L3MBTL1: variants seen among roughly 807,000 people sequenced by gnomAD.
L3MBTL1 encodes lethal(3)malignant brain tumor-like protein 1.
L3MBTL1 carries 75 observed loss-of-function variants against 105.3 expected under a neutral mutation model. The observed-to-expected ratio is 0.71, with a 90% CI of 0.59 to 0.86. L3MBTL1 has a LOEUF of 0.86. Among genes scored for constraint, L3MBTL1 ranks in the 40% least tolerant of loss-of-function variants. L3MBTL1 has a pLI of 0.00. For synonymous variants in L3MBTL1, 452 were observed against 436.2 expected (o/e 1.04, Z -0.45); for missense variants, 1,069 against 1,126.4 (o/e 0.95, Z 0.73).
rs569675047 is a variant in L3MBTL1, at chr20:43,513,658, G to T, written c.136+19G>T. On this transcript the variant is annotated intron_variant, in intron 2 of 21. Transcript: ENST00000418998. ...ATTCCAGGTGAGTCAAGCTAGGGTA[G>T]GAGTCTGGGAAGGAAGAGCATCTCT... 1 of 1,550,520 alleles carries T rather than the reference G, an allele frequency of 6.4e-7. No homozygotes were observed. The highest frequency in any genetic ancestry group is 2.4e-5 in the East Asian group (1 of 40,922).
In L3MBTL1 at chr20:43,536,083, C is replaced by T. The variant is rs2019597020; in HGVS notation, c.1926-14C>T. ...CCAGTGGATTAAACCCAACTGAAGT[C>T]TCTTCTTCCCCAGGAAGTGCCCCAC... is the stretch of plus-strand genomic sequence containing the variant. On this transcript the variant is annotated splice_polypyrimidine_tract_variant and intron_variant, in intron 17 of 21. Coordinates refer to ENST00000418998, the MANE Select transcript of L3MBTL1 (RefSeq NM_001377303.1). The T allele has an allele frequency of 1.9e-6, 3 of 1,612,280 alleles. No homozygotes were observed. The highest frequency in any genetic ancestry group is 2.5e-6 in the Non-Finnish European group (3 of 1,179,916).
chr20:43,524,459 C>G (rs1322288693), intron 7 of L3MBTL1, among the ~76,000 whole-genome samples: 1 of 151,924 alleles, frequency 6.6e-6, no homozygotes, highest in Non-Finnish European at 1.5e-5. Context: ...AATCTAGTTG[C>G]AGAAATAGAT....
At chr20:43,513,450 C>A (rs974845157) in intron 1 of L3MBTL1, 26 bp from the exon 2 acceptor site, 2 of 1,540,018 alleles carry the variant, frequency 1.3e-6, no homozygotes, top group South Asian at 2.4e-5. Context: ...CACCTGATCA[C>A]CCTGGGGGCT....
intron 18 of L3MBTL1, chr20:43,548,021 T>A: frequency 3.8e-6 from 3 of 782,836 alleles, no homozygotes; most frequent in African/African-American, 1.9e-5. Context: ...CCTCCCCCAT[T>A]CCCCATGCAC....
chr20:43,533,287 G>A (rs1160481061), intron 12 of L3MBTL1, 55 bp from the exon 13 acceptor site: 16 of 1,510,064 alleles, frequency 1.1e-5, no homozygotes, highest in Non-Finnish European at 1.1e-5. Context: ...TCAGAGGATG[G>A]CAGGCTCAGG....
At chr20:43,544,869 G>A (rs1978485459), downstream of L3MBTL1, among the ~76,000 whole-genome samples, 1 of 152,170 alleles carries the variant, frequency 6.6e-6, no homozygotes, top group Non-Finnish European at 1.5e-5. Flanking sequence ...GGGAGGCTGT[G>A]GCATGAGAAT....
At chr20:43,515,959 G>C in intron 6 of L3MBTL1, 134 bp from the exon 7 acceptor site, 1 of 644,918 alleles carries the variant, frequency 1.6e-6, no homozygotes. Flanking sequence ...CCTGCTGGCG[G>C]CCTAGAAGAA....
At chr20:43,521,798 C>T (rs2018720691) in intron 7 of L3MBTL1, among the ~76,000 whole-genome samples, 1 of 152,218 alleles carries the variant, frequency 6.6e-6, no homozygotes, top group Non-Finnish European at 1.5e-5. Flanking sequence ...AGCGATCCTC[C>T]TGCCTCAGCC....
intron 8 of L3MBTL1, 80 bp from the exon 9 acceptor site, chr20:43,529,184 G>A (rs998548372): frequency 1.4e-5 from 15 of 1,054,458 alleles, no homozygotes; most frequent in Admixed American, 8.1e-5. Context: ...GGGCCTAAAG[G>A]CAGCTCCTTC....
rs183461317 is a variant in L3MBTL1, at chr20:43,540,713, G to C, written c.2332-40G>C. ...AGGCCAGCTCTCCCTACATGCCTAA[G>C]CTCTGTCCCCTGGTCAACATGTCAT... is the stretch of plus-strand genomic sequence containing the variant. On this transcript the variant is annotated intron_variant, in intron 20 of 21. Coordinates refer to ENST00000418998, the MANE Select transcript of L3MBTL1 (RefSeq NM_001377303.1). 2,551 of 1,605,910 alleles carry C rather than the reference G, an allele frequency of 1.6e-3. 66 individuals carry two copies. The Admixed American group carries it at 0.036, about 23-fold the overall frequency.
chr20:43,517,331 G>T (rs1015895178), intron 7 of L3MBTL1, among the ~76,000 whole-genome samples: 6 of 152,124 alleles, frequency 3.9e-5, no homozygotes, highest in Non-Finnish European at 8.8e-5. Flanking sequence ...CTTACCTCAG[G>T]TTATCTGCCC....
intron 1 of L3MBTL1, among the ~76,000 whole-genome samples, chr20:43,512,772 T>G (rs1568916743): frequency 6.6e-6 from 1 of 152,226 alleles, no homozygotes; most frequent in Non-Finnish European, 1.5e-5. Flanking sequence ...GTCTTTTTCT[T>G]TATGTCTTTA....
intron 7 of L3MBTL1, among the ~76,000 whole-genome samples, chr20:43,516,965 T>TAA (rs2018425680): frequency 6.6e-6 from 1 of 151,574 alleles, no homozygotes; most frequent in Non-Finnish European, 1.5e-5. Flanking sequence ...GCTAATTTTT[T>TAA]AAATTTTTGT....
chr20:43,516,167 C>T lies in L3MBTL1; in HGVS notation c.852C>T (p.Ser284=), dbSNP rs1263374829. 6.2e-7 allele frequency: 1 copy of T among 1,613,704 alleles called. No individual in the cohort carries two copies. Among genetic ancestry groups the T allele is most frequent in the Non-Finnish European group, 8.5e-7 (1 of 1,179,656 alleles). Residue 284 remains serine (S), a synonymous_variant, in exon 7 of 22, where the codon AGC becomes AGT. Transcript: ENST00000418998. ...CCCCAGAGAGTGAGGAGTGGAGCAG[C>T]AGCCAGCCTGGTACGGTGGCTTGTG... ...ASTPESEEWS[S]SQPATGEKKE...
Position 43,530,405 on chromosome 20 carries a change from T to A in L3MBTL1, c.1178T>A (p.Leu393Gln), listed in dbSNP as rs772234875. ...TGGTTCGAGAAGACGGGCCACAAGC[T>A]GCAGCCTCCCAAAGGTAAGGCCTAG... Reference protein sequence around the residue: ...AGWFEKTGHKLQPPKGYKEEE... With the variant: ...AGWFEKTGHKQQPPKGYKEEE... Residue 393 changes from leucine to glutamine, a missense_variant, in exon 10 of 22, where the codon CTG (leucine) becomes CAG (glutamine). Coordinates refer to ENST00000418998, the MANE Select transcript of L3MBTL1 (RefSeq NM_001377303.1). 6.2e-7 allele frequency: 1 copy of A among 1,614,168 alleles called. No homozygotes were observed. The highest frequency in any genetic ancestry group is 8.5e-7 in the Non-Finnish European group (1 of 1,180,004).
chr20:43,522,534 C>T (rs1488370729), intron 7 of L3MBTL1, among the ~76,000 whole-genome samples: 1 of 116,810 alleles, frequency 8.6e-6, no homozygotes, highest in Non-Finnish European at 1.6e-5. Flanking sequence ...TGCAGTGGTG[C>T]GATGTCCGCT....
chr20:43,526,061 G>C (rs980507180), intron 7 of L3MBTL1, among the ~76,000 whole-genome samples: 6 of 152,186 alleles, frequency 3.9e-5, no homozygotes, highest in African/African-American at 1.2e-4. Context: ...TAAAGAGGGT[G>C]TTGGTCAGAG....
rs2019415204 is a variant in L3MBTL1 at position 43,532,938 on chromosome 20, C to T, written c.1436+14C>T. 6.2e-7 allele frequency: 1 copy of T among 1,614,016 alleles called. No individual in the cohort carries two copies. Reference sequence around the variant, plus strand: ...TTATGACTACTGGTAGTAGGAGGGCCCAGACTTGGCCTCAGGGGGTGAGGG... The same window carrying T: ...TTATGACTACTGGTAGTAGGAGGGCTCAGACTTGGCCTCAGGGGGTGAGGG... On this transcript the variant is annotated intron_variant, in intron 12 of 21. Transcript: ENST00000418998.
chr20:43,518,546 T>G (rs1007340466), intron 7 of L3MBTL1, among the ~76,000 whole-genome samples: 1 of 152,166 alleles, frequency 6.6e-6, no homozygotes, highest in Non-Finnish European at 1.5e-5. Flanking sequence ...TACAACTTAC[T>G]TAGTCGTTAA....
Sources: gnomAD v4.1 joint callset for allele counts (sites outside exome capture counted in the v4.1 genomes callset) on GRCh38, gnomAD v4.1.1 for gene constraint, MANE v1.5 for transcripts, NCBI Gene and HGNC (gene_info 2026-07-23, HGNC 2026-07-21) for gene names.